TSPAN9: variants seen among roughly 807,000 people sequenced by gnomAD.
The protein encoded by TSPAN9 is tetraspanin-9.
In TSPAN9, 16 loss-of-function variants were observed where a neutral mutation model predicts 31.0. The observed-to-expected ratio is 0.52, with a 90% CI of 0.35 to 0.78. The LOEUF is 0.78. TSPAN9 is among the 30% of genes least tolerant of loss of function. The pLI is 0.01. For missense variants in TSPAN9, 272 were observed against 312.5 expected, an observed-to-expected ratio of 0.87 and a Z score of 0.98; for synonymous variants, 145 against 121.6, an observed-to-expected ratio of 1.19 and a Z score of -1.27.
At chr12:3,251,423 T>C (rs111739153) in intron 3 of TSPAN9, among the ~76,000 whole-genome samples, 23 of 152,314 alleles carry the variant, frequency 1.5e-4, no homozygotes, top group African/African-American at 5.3e-4. Context: ...ATGATGGTCA[T>C]GTCTGAGAGG....
chr12:3,186,778 C>T (rs1475528999), intron 2 of TSPAN9, among the ~76,000 whole-genome samples: 1 of 152,132 alleles, frequency 6.6e-6, no homozygotes, highest in Non-Finnish European at 1.5e-5. Context: ...CCCTATGACT[C>T]GTCCAGCCTC....
Position 3,086,863 on chromosome 12 carries a change from C to G in TSPAN9, c.-18+3144C>G, listed in dbSNP as rs542415490. Among the ~76,000 whole-genome samples, 10 of 152,342 alleles carry G rather than the reference C, an allele frequency of 6.6e-5. No individual in the cohort carries two copies. In the East Asian group the frequency reaches 1.9e-3, roughly 29 times the overall value. ...GTGTCTGAGGCAACCCCCTTGAGCC[C>G]TCGTGGGCAGTGACCCTGGCTGTGC... On this transcript the variant is annotated intron_variant, in intron 2 of 8. Coordinates refer to ENST00000011898, the MANE Select transcript of TSPAN9 (RefSeq NM_006675.5).
At chr12:3,212,451 A>G in intron 3 of TSPAN9, among the ~76,000 whole-genome samples, 1 of 151,786 alleles carries the variant, frequency 6.6e-6, no homozygotes, top group South Asian at 2.1e-4. Context: ...AAATTTTTAA[A>G]TTTTTTGTAG....
intron 3 of TSPAN9, among the ~76,000 whole-genome samples, chr12:3,210,127 C>A (rs1219831749): frequency 9.6e-6 from 1 of 104,438 alleles, no homozygotes; most frequent in African/African-American, 3.1e-5. Flanking sequence ...GAGCAAGACT[C>A]CGTCTCAAAA....
At chr12:3,196,495 T>C (rs549677624) in intron 2 of TSPAN9, among the ~76,000 whole-genome samples, 11 of 152,330 alleles carry the variant, frequency 7.2e-5, no homozygotes, top group Admixed American at 2.0e-4. Flanking sequence ...AGTTTTCTTT[T>C]CTGTAAAATG....
intron 2 of TSPAN9, among the ~76,000 whole-genome samples, chr12:3,175,676 C>T (rs530401680): frequency 1.2e-4 from 18 of 152,312 alleles, no homozygotes; most frequent in South Asian, 8.3e-4. Flanking sequence ...AGATTTCTTT[C>T]GCTGTTGCAG....
At chr12:3,146,352 G>C (rs569054117) in intron 2 of TSPAN9, among the ~76,000 whole-genome samples, 2 of 152,134 alleles carry the variant, frequency 1.3e-5, no homozygotes, top group African/African-American at 4.8e-5. Flanking sequence ...TGGAGATGGT[G>C]GTCTCTGAAA....
In TSPAN9 at chr12:3,174,473, G is replaced by A. The variant is rs545281778; in HGVS notation, c.-17-26704G>A. On this transcript the variant is annotated intron_variant, in intron 2 of 8. Coordinates refer to ENST00000011898, the MANE Select transcript of TSPAN9 (RefSeq NM_006675.5). ...TTAGAAAATGAAGAGAGGTTTGTGTGTTCATTTCCAGGAGCCTGTGTGTTC... is the reference window on the plus strand; with the variant it reads ...TTAGAAAATGAAGAGAGGTTTGTGTATTCATTTCCAGGAGCCTGTGTGTTC... Among the ~76,000 whole-genome samples, 5 of 152,340 alleles carry A rather than the reference G, an allele frequency of 3.3e-5. No homozygotes were observed. The South Asian group carries it at 8.3e-4, about 25-fold the overall frequency.
At chr12:3,139,368 C>G (rs2098333667) in intron 2 of TSPAN9, among the ~76,000 whole-genome samples, 2 of 152,166 alleles carry the variant, frequency 1.3e-5, no homozygotes, top group South Asian at 2.1e-4. Flanking sequence ...CCCCCTCCCC[C>G]TCCTCCCCTC....
rs949131671 is a variant in TSPAN9 at position 3,107,189 on chromosome 12, G to A, written c.-18+23470G>A. ...AGCCGCCGGCGGCCCCCTCCGTGGG[G>A]AGTGGGGGAGGGAGGCTCTATCTAG... On this transcript the variant is annotated intron_variant, in intron 2 of 8. Transcript: ENST00000011898. This position sits in a 1 kb window ranked among gnomAD's most constrained non-coding sequence, Gnocchi z 4.1. Among the ~76,000 whole-genome samples, 7 of 152,184 alleles carry A rather than the reference G, an allele frequency of 4.6e-5. No homozygotes were observed. Among genetic ancestry groups the A allele is most frequent in the African/African-American group, 1.4e-4 (6 of 41,434 alleles).
rs1452083956 is a variant in TSPAN9 at position 3,278,619 on chromosome 12, T to G, written c.255+7T>G. The G allele has an allele frequency of 1.2e-6, 2 of 1,610,954 alleles. No individual in the cohort carries two copies. On this transcript the variant is annotated splice_region_variant and intron_variant, in intron 4 of 8. Coordinates refer to ENST00000011898, the MANE Select transcript of TSPAN9 (RefSeq NM_006675.5). ...CAAGTGCCTCCTCCTCAGCGTAAGT[T>G]CTGTCCAAATCCCCAGCCCCTCCAA...
chr12:3,170,608 G>A lies in TSPAN9; in HGVS notation c.-17-30569G>A, dbSNP rs1311516368. Among the ~76,000 whole-genome samples the A allele has an allele frequency of 6.7e-6, 1 of 149,662 alleles. No individual in the cohort carries two copies. The highest frequency in any genetic ancestry group is 2.5e-5 in the African/African-American group (1 of 40,778). ...GTTCTGTGTGGGGGGGTCGTGATGG[G>A]GGAGCAGATGGCCCTGGTCATGCAT... On this transcript the variant is annotated intron_variant, in intron 2 of 8. Coordinates refer to ENST00000011898, the MANE Select transcript of TSPAN9 (RefSeq NM_006675.5). The surrounding 1 kb of genome is among the most constrained non-coding windows in gnomAD (Gnocchi z 4.4).
chr12:3,142,697 G>A (rs747306781), intron 2 of TSPAN9, among the ~76,000 whole-genome samples: 1 of 152,172 alleles, frequency 6.6e-6, no homozygotes, highest in Non-Finnish European at 1.5e-5. Flanking sequence ...GGTGCCTGCG[G>A]TGCGTATCTC....
Position 3,232,741 on chromosome 12 carries a change from TCTGGCGCAGCC to T in TSPAN9, c.63+31491_63+31501del, listed in dbSNP as rs539239464. ...CTTGGAGTGGGATTTGGTGCATGGG[TCTGGCGCAGCC>T]CTGGCTCTCCCGTTCCTCAGACACA... On this transcript the variant is annotated intron_variant, in intron 3 of 8. Transcript: ENST00000011898. Among the ~76,000 whole-genome samples the T allele has an allele frequency of 9.2e-5, 14 of 152,284 alleles. No homozygotes were observed. The South Asian group carries it at 2.9e-3, about 32-fold the overall frequency.
intron 1 of TSPAN9, among the ~76,000 whole-genome samples, chr12:3,080,526 C>T (rs1470447003): frequency 3.3e-5 from 5 of 151,936 alleles, no homozygotes; most frequent in Non-Finnish European, 5.9e-5. Context: ...TTAGTAGAGA[C>T]GGGGTTTCAC....
chr12:3,210,341 T>C (rs909770633), intron 3 of TSPAN9, among the ~76,000 whole-genome samples: 2 of 152,108 alleles, frequency 1.3e-5, no homozygotes, highest in African/African-American at 4.8e-5. Flanking sequence ...CAATGGGGAA[T>C]GGTTTTTGGC....
At chr12:3,202,889 T>A (rs1437951099) in intron 3 of TSPAN9, among the ~76,000 whole-genome samples, 2 of 152,230 alleles carry the variant, frequency 1.3e-5, no homozygotes, top group African/African-American at 4.8e-5. Flanking sequence ...GGAATGTCTC[T>A]GGCTGCCTTG....
chr12:3,271,692 G>T (rs887085036), intron 3 of TSPAN9, among the ~76,000 whole-genome samples: 1 of 152,192 alleles, frequency 6.6e-6, no homozygotes, highest in African/African-American at 2.4e-5. Context: ...ATGTGTCTGT[G>T]ACTTTGTCCC....
intron 2 of TSPAN9, among the ~76,000 whole-genome samples, chr12:3,198,222 GGT>G (rs1172189494): frequency 6.4e-4 from 55 of 85,848 alleles, no homozygotes; most frequent in African/African-American, 2.3e-3. Flanking sequence ...CACCAGCACA[GGT>G]CACCACCAGC....
Sources: gnomAD v4.1 joint callset for allele counts (sites outside exome capture counted in the v4.1 genomes callset) on GRCh38, gnomAD v4.1.1 for gene constraint, Gnocchi (gnomAD v3.1) non-coding constraint, MANE v1.5 for transcripts, NCBI Gene and HGNC (gene_info 2026-07-23, HGNC 2026-07-21) for gene names.